Variants in UGT1A3 observed in about 807,000 individuals in gnomAD.
UGT1A3 encodes UDP-glucuronosyltransferase 1A3.
UGT1A3 carries 31 observed loss-of-function variants against 41.0 expected under a neutral mutation model. The ratio of observed to expected loss-of-function variants is 0.76; its 90% CI spans 0.57 to 1.02. UGT1A3 has a LOEUF of 1.02. Among genes scored for constraint, UGT1A3 ranks in the 50% least tolerant of loss-of-function variants. The pLI is 0.00. For synonymous variants in UGT1A3, 262 were observed against 257.6 expected (o/e 1.02, Z -0.17); for missense variants, 737 against 671.0 (o/e 1.10, Z -1.09).
chr2:233,772,287 T>C lies in UGT1A3; in HGVS notation c.1333T>C (p.Ser445Pro), dbSNP rs1575870013. 1 of 1,614,254 alleles carries C rather than the reference T, an allele frequency of 6.2e-7. No individual in the cohort carries two copies. ...TTACAAGGAGAACATCATGCGCCTC[T>C]CCAGCCTTCACAAGGACCGCCCGGT... ...KSYKENIMRL[S>P]SLHKDRPVEP... is the part of the protein sequence containing the mutation. The change falls in exon 5 of 5, where the codon TCC (serine) becomes CCC (proline). Residue 445 changes from serine (S) to proline (P), a missense_variant. Transcript: ENST00000482026.
At chr2:233,747,148 TGAA>T in intron 1 of UGT1A3, 1 of 1,570,870 alleles carries the variant, frequency 6.4e-7, no homozygotes, top group South Asian at 1.2e-5. Context: ...GTAATTAAGA[TGAA>T]GAAAACAAAT....
At position 233,729,851 on chromosome 2, in the gene UGT1A3, A is replaced by C; in HGVS notation, c.725A>C (p.Glu242Ala). 1 of 1,613,640 alleles carries C rather than the reference A, an allele frequency of 6.2e-7. No individual in the cohort carries two copies. Among genetic ancestry groups the C allele is most frequent in the African/African-American group, 1.3e-5 (1 of 74,890 alleles). ...CTTGCCTCTGAGCTTTTTCAGAGAG[A>C]GGTGTCAGTGGTGGATATTCTCAGT... is the stretch of plus-strand genomic sequence containing the variant. ...ASLASELFQR[E>A]VSVVDILSHA... The change falls in exon 1 of 5, where the codon GAG (glutamate) becomes GCG (alanine). Residue 242 changes from glutamate (E) to alanine (A), a missense_variant. Coordinates refer to ENST00000482026, the MANE Select transcript of UGT1A3 (RefSeq NM_019093.4).
At chr2:233,754,520 T>C in intron 1 of UGT1A3, 1 of 365,678 alleles carries the variant, frequency 2.7e-6, no homozygotes, top group East Asian at 7.3e-5. Flanking sequence ...CAGATGTGCT[T>C]AAAGGCAAAT....
intron 1 of UGT1A3, among the ~76,000 whole-genome samples, chr2:233,749,634 C>A (rs1417032704): frequency 6.6e-6 from 1 of 151,820 alleles, no homozygotes; most frequent in East Asian, 1.9e-4. Context: ...GTATCCCCCA[C>A]CAAATCTCAT....
At chr2:233,754,750 A>G in intron 1 of UGT1A3, 1 of 810,338 alleles carries the variant, frequency 1.2e-6, no homozygotes, top group Non-Finnish European at 1.9e-6. Context: ...ATGCAGAAGG[A>G]AGAAAGGCCC....
intron 1 of UGT1A3, among the ~76,000 whole-genome samples, chr2:233,739,715 G>A (rs1691183669): frequency 1.3e-5 from 2 of 152,136 alleles, no homozygotes; most frequent in Admixed American, 6.5e-5. Context: ...TGGGGGAAGG[G>A]ACTTGACTTG....
Position 233,772,346 on chromosome 2 carries a change from G to C in UGT1A3, c.1392G>C (p.Glu464Asp), listed in dbSNP as rs115944950. ...TGGACCTGGCCGTGTTCTGGGTGGA[G>C]TTTGTGATGAGGCACAAGGGCGCGC... ...EPLDLAVFWVEFVMRHKGAPH... is the reference protein window; with the variant it reads ...EPLDLAVFWVDFVMRHKGAPH... Residue 464 changes from glutamate (E) to aspartate (D), a missense_variant, in exon 5 of 5, where the codon GAG (glutamate) becomes GAC (aspartate). Coordinates refer to ENST00000482026, the MANE Select transcript of UGT1A3 (RefSeq NM_019093.4). 30 of 1,614,132 alleles carry C rather than the reference G, an allele frequency of 1.9e-5. No individual in the cohort carries two copies. In the East Asian group the frequency reaches 6.5e-4, roughly 35 times the overall value.
chr2:233,756,393 A>G (rs1203467562), intron 1 of UGT1A3: 1 of 152,036 alleles, frequency 6.6e-6, no homozygotes, highest in Non-Finnish European at 1.5e-5. Flanking sequence ...GTTTTACAGT[A>G]TTGGTTTTTT....
Position 233,769,856 on chromosome 2 carries a change from TCAA to T in UGT1A3, c.1307+1418_1307+1420del. Reference sequence around the variant, plus strand: ...CTGGGCAACAGAGTGAGACCCTGTCTCAAAAAAAAAAAAAAAAATGAAAAGTCC... The same window carrying T: ...CTGGGCAACAGAGTGAGACCCTGTCTAAAAAAAAAAAAAAATGAAAAGTCC... On this transcript the variant is annotated intron_variant, in intron 4 of 4. Coordinates refer to ENST00000482026, the MANE Select transcript of UGT1A3 (RefSeq NM_019093.4). The surrounding 1 kb of genome is among the most constrained non-coding windows in gnomAD (Gnocchi z 4.4). 3.1e-6 allele frequency: 1 copy of T among 322,450 alleles called. No homozygotes were observed. Among genetic ancestry groups the T allele is most frequent in the Non-Finnish European group, 5.0e-6 (1 of 199,356 alleles). The allele number at this position is 322,450 out of a possible 1,614,324, so 20.0% of individuals were successfully genotyped here.
intron 1 of UGT1A3, chr2:233,740,766 G>T (rs189465133): frequency 6.6e-6 from 1 of 151,710 alleles, no homozygotes; most frequent in Admixed American, 6.5e-5. Context: ...TTATCAAACC[G>T]TTGTATAAAA....
chr2:233,762,466 T>C (rs377017824), intron 1 of UGT1A3, among the ~76,000 whole-genome samples: 5 of 152,354 alleles, frequency 3.3e-5, no homozygotes, highest in African/African-American at 9.6e-5. Context: ...GATAATGTCA[T>C]GGATATCACT....
At chr2:233,743,641 G>A (rs750445210) in intron 1 of UGT1A3, 2 of 1,367,204 alleles carry the variant, frequency 1.5e-6, no homozygotes, top group East Asian at 4.5e-5. Context: ...GGTCGCGGAA[G>A]CTGAAGACGT....
chr2:233,759,176 C>T (rs982253420), intron 1 of UGT1A3, among the ~76,000 whole-genome samples: 3 of 152,132 alleles, frequency 2.0e-5, no homozygotes, highest in African/African-American at 4.8e-5. Flanking sequence ...GCAGGTTTCA[C>T]GGCAAAAAGT....
At chr2:233,765,895 T>C (rs988320482) in intron 1 of UGT1A3, among the ~76,000 whole-genome samples, 1 of 152,066 alleles carries the variant, frequency 6.6e-6, no homozygotes, top group Non-Finnish European at 1.5e-5. Flanking sequence ...AGTGCGCCAC[T>C]GCTCAAACCT....
intron 1 of UGT1A3, among the ~76,000 whole-genome samples, chr2:233,730,803 T>C (rs2078076377): frequency 6.6e-6 from 1 of 152,164 alleles, no homozygotes; most frequent in South Asian, 2.1e-4. Context: ...TGAATGGACA[T>C]GCGTCCAAGA....
chr2:233,753,193 A>G (rs1695148860), intron 1 of UGT1A3: 1 of 152,208 alleles, frequency 6.6e-6, no homozygotes, highest in Admixed American at 6.5e-5. Context: ...ATTTTTCAAA[A>G]GCCCTGACAG....
intron 1 of UGT1A3, among the ~76,000 whole-genome samples, chr2:233,763,690 T>C (rs1698373555): frequency 6.6e-6 from 1 of 152,190 alleles, no homozygotes; most frequent in African/African-American, 2.4e-5. Context: ...AAGATAAAAC[T>C]TTTATTGCAC....
rs192713031 is a variant in UGT1A3 at position 233,755,438 on chromosome 2, C to G, written c.868-11596C>G. ...TGTGAGCGCCTCGCATCCCAAGATG[C>G]AGTGCTCCTGGGACTGGCCCTGCTC... On this transcript the variant is annotated intron_variant, in intron 1 of 4. Transcript: ENST00000482026. 453 of 315,884 alleles carry G rather than the reference C, an allele frequency of 1.4e-3. 2 individuals carry two copies. The highest frequency in any genetic ancestry group is 7.9e-3 in the African/African-American group (362 of 46,082). The allele number at this position is 315,884 out of a possible 1,614,324, so 19.6% of individuals were successfully genotyped here.
intron 1 of UGT1A3, among the ~76,000 whole-genome samples, chr2:233,748,636 A>G (rs1201080065): frequency 6.6e-6 from 1 of 151,796 alleles, no homozygotes; most frequent in African/African-American, 2.4e-5. Flanking sequence ...CTGTGATTAT[A>G]GAATTACACA....
Sources: allele counts gnomAD v4.1 joint callset (sites outside exome capture counted in the v4.1 genomes callset), GRCh38; gene constraint gnomAD v4.1.1; non-coding constraint Gnocchi (gnomAD v3.1); transcripts MANE v1.5; gene names NCBI Gene and HGNC (gene_info 2026-07-23, HGNC 2026-07-21).